GDF5: variants seen among roughly 807,000 people sequenced by gnomAD.
GDF5 encodes the protein growth/differentiation factor 5.
A neutral mutation model predicts 34.6 loss-of-function variants in GDF5; 17 were observed. The observed-to-expected ratio is 0.49, with a 90% CI of 0.34 to 0.74. The LOEUF (loss-of-function observed/expected upper bound fraction) is 0.74. GDF5 is among the 30% of genes least tolerant of loss of function. The pLI is 0.01. For synonymous variants in GDF5, 332 were observed against 290.7 expected, an observed-to-expected ratio of 1.14 and a Z score of -1.44; for missense variants, 616 against 661.2, an observed-to-expected ratio of 0.93 and a Z score of 0.75.
chr20:35,454,644 A>G (rs2146598301), exon 1 of GDF5: 1 of 152,400 alleles, frequency 6.6e-6, no homozygotes, highest in East Asian at 1.9e-4. Context: ...ACTCGCCTGT[A>G]AGTGTTATGC....
Position 35,437,731 on chromosome 20 carries a change from A to T in GDF5, c.198T>A (p.Gly66=). 6.2e-7 allele frequency: 1 copy of T among 1,613,280 alleles called. No homozygotes were observed. The highest frequency in any genetic ancestry group is 8.5e-7 in the Non-Finnish European group (1 of 1,179,684). ...TGGCATTGGCATTGGTGGCCCCCCC[A>T]CCATAGCTGTGACCCCCTGGCCTGA... ...NVFRPGGHSY[G]GGATNANARA... Residue 66 remains glycine, a synonymous_variant, in exon 1 of 2, where the codon GGT becomes GGA. Transcript: ENST00000374369.
At chr20:35,438,703 G>T (rs2062486244), upstream of GDF5, among the ~76,000 whole-genome samples, 1 of 152,122 alleles carries the variant, frequency 6.6e-6, no homozygotes, top group Non-Finnish European at 1.5e-5. Context: ...AGATGCTGAA[G>T]AATGAGCTCA....
chr20:35,438,003 A>C lies in GDF5; in HGVS notation c.-75T>G, dbSNP rs1387848045. On this transcript the variant is annotated 5_prime_UTR_variant, in exon 1 of 2. Transcript: ENST00000374369. ...AGGTGCCTCTGGTTTGGCAGGAAAA[A>C]CCATGAAAGGAGTGGACTTTCAAAA... The C allele has an allele frequency of 1.3e-6, 2 of 1,564,570 alleles. No individual in the cohort carries two copies. Among genetic ancestry groups the C allele is most frequent in the Non-Finnish European group, 1.7e-6 (2 of 1,144,144 alleles).
chr20:35,443,243 G>T lies in GDF5; in HGVS notation c.-397-1856C>A, dbSNP rs540306338. On this transcript the variant is annotated intron_variant, in intron 1 of 3. Transcript: ENST00000374372. ...CTGGTAATTGCAACCAGATGCTGCC[G>T]CTGGCAGTGCTTCAGTCCCGACATG... 7.9e-5 allele frequency among the ~76,000 whole-genome samples: 12 copies of T among 152,246 alleles called. No individual in the cohort carries two copies. In the South Asian group the frequency reaches 2.5e-3, roughly 32 times the overall value.
chr20:35,453,587 T>C (rs1475077975), intron 1 of GDF5, among the ~76,000 whole-genome samples: 1 of 152,236 alleles, frequency 6.6e-6, no homozygotes, highest in Non-Finnish European at 1.5e-5. Flanking sequence ...TCGTTTTCTC[T>C]GTCTAGTGCC....
At chr20:35,442,295 T>C (rs145380864), upstream of GDF5, among the ~76,000 whole-genome samples, 3,221 of 151,318 alleles carry the variant, frequency 0.021, 61 homozygotes, top group South Asian at 0.073. Flanking sequence ...TACAGATGTG[T>C]ACCACCACGC....
intron 1 of GDF5, among the ~76,000 whole-genome samples, chr20:35,444,980 C>G (rs959386255): frequency 6.6e-6 from 1 of 151,436 alleles, no homozygotes; most frequent in Non-Finnish European, 1.5e-5. Flanking sequence ...GTGATCCACC[C>G]GCCTCAGCCT....
chr20:35,453,175 G>A (rs1276647405), intron 1 of GDF5, among the ~76,000 whole-genome samples: 2 of 152,178 alleles, frequency 1.3e-5, no homozygotes, highest in Non-Finnish European at 2.9e-5. Flanking sequence ...GCGTGAACCC[G>A]GATGGTGGAG....
At position 35,437,622 on chromosome 20, in the gene GDF5, C is replaced by T. The variant is rs763209567; in HGVS notation, c.307G>A (p.Gly103Ser). The change falls in exon 1 of 2, where the codon GGC becomes AGC. Residue 103 changes from glycine (G) to serine (S), a missense_variant. Coordinates refer to ENST00000374369, the MANE Select transcript of GDF5 (RefSeq NM_000557.5). ...EPKKLPPRPG[G>S]PEPKPGHPPQ... Reference sequence around the variant, plus strand: ...GGGTGTCCTGGCTTGGGTTCAGGGCCGCCCGGTCTGGGGGGCAGCTTTTTG... The same window carrying T: ...GGGTGTCCTGGCTTGGGTTCAGGGCTGCCCGGTCTGGGGGGCAGCTTTTTG... 29 of 1,613,990 alleles carry T rather than the reference C, an allele frequency of 1.8e-5. 1 individual carries two copies. Among genetic ancestry groups the T allele is most frequent in the South Asian group, 1.6e-4 (15 of 91,080 alleles).
At chr20:35,438,620 C>A (rs2062485809), upstream of GDF5, among the ~76,000 whole-genome samples, 1 of 152,206 alleles carries the variant, frequency 6.6e-6, no homozygotes, top group African/African-American at 2.4e-5. Flanking sequence ...TAGGGGGCCT[C>A]CCCCTCCACA....
In GDF5 at chr20:35,437,612, G is replaced by C. The variant is rs1484700832; in HGVS notation, c.317C>G (p.Pro106Arg). The C allele has an allele frequency of 6.2e-7, 1 of 1,614,120 alleles. No individual in the cohort carries two copies. Among genetic ancestry groups the C allele is most frequent in the East Asian group, 2.2e-5 (1 of 44,868 alleles). The change falls in exon 1 of 2, where the codon CCC (proline) becomes CGC (arginine). Residue 106 changes from proline to arginine, a missense_variant. By Grantham distance (103) the Pro-to-Arg change is moderately radical. Coordinates refer to ENST00000374369, the MANE Select transcript of GDF5 (RefSeq NM_000557.5). ...TGTTTGGGGAGGGTGTCCTGGCTTGGGTTCAGGGCCGCCCGGTCTGGGGGG... is the reference window on the plus strand; with the variant it reads ...TGTTTGGGGAGGGTGTCCTGGCTTGCGTTCAGGGCCGCCCGGTCTGGGGGG... ...KLPPRPGGPE[P>R]KPGHPPQTRQ...
At chr20:35,442,353 G>A (rs1601078404), upstream of GDF5, among the ~76,000 whole-genome samples, 1 of 151,476 alleles carries the variant, frequency 6.6e-6, no homozygotes, top group Non-Finnish European at 1.5e-5. Flanking sequence ...CACCATGTTG[G>A]CCAGGCTGGT....
chr20:35,438,080 G>C lies in GDF5; in HGVS notation c.-152C>G, dbSNP rs1471227731. On this transcript the variant is annotated 5_prime_UTR_variant, in exon 1 of 2. Coordinates refer to ENST00000374369, the MANE Select transcript of GDF5 (RefSeq NM_000557.5). ...AGGAAAGGCTTTCTCCTCAGTCTGA[G>C]ACTCTTGAAGTCTGCCGGGTGTGTG... 1.2e-6 allele frequency: 1 copy of C among 831,934 alleles called. No individual in the cohort carries two copies. The highest frequency in any genetic ancestry group is 1.7e-5 in the African/African-American group (1 of 58,826). 51.5% of individuals were successfully genotyped at this position (831,934 alleles called of 1,614,324 possible). A position where few individuals can be genotyped will look rare whatever the true frequency, so the allele number is the denominator to read the frequency against.
chr20:35,438,265 G>A, upstream of GDF5: 1 of 349,096 alleles, frequency 2.9e-6, no homozygotes, highest in Non-Finnish European at 5.4e-6. Flanking sequence ...TAAGGCTGAG[G>A]GATTTTTCCA....
chr20:35,438,358 T>TCACTCA, upstream of GDF5: 2 of 158,868 alleles, frequency 1.3e-5, no homozygotes, highest in Non-Finnish European at 2.7e-5. Context: ...TGAAAATACT[T>TCACTCA]CACACACACA....
At chr20:35,445,910 A>G (rs1012190657) in intron 1 of GDF5, among the ~76,000 whole-genome samples, 2 of 152,158 alleles carry the variant, frequency 1.3e-5, no homozygotes, top group Non-Finnish European at 1.5e-5. Context: ...CGGAGGTTGC[A>G]GTGAGCTGAG....
At chr20:35,443,536 G>C (rs1042108157) in intron 1 of GDF5, among the ~76,000 whole-genome samples, 2 of 151,772 alleles carry the variant, frequency 1.3e-5, no homozygotes, top group African/African-American at 2.4e-5. Flanking sequence ...TTTGGAGACA[G>C]AGTCTAGTTC....
chr20:35,454,502 G>A (rs915225603), intron 1 of GDF5: 8 of 158,416 alleles, frequency 5.0e-5, no homozygotes, highest in African/African-American at 1.9e-4. Flanking sequence ...AATAACGCAT[G>A]GGTCCTATTG....
At chr20:35,435,854 G>T (rs544540371) in intron 1 of GDF5, among the ~76,000 whole-genome samples, 33 of 152,214 alleles carry the variant, frequency 2.2e-4, no homozygotes, top group African/African-American at 7.7e-4. Flanking sequence ...TAAATGATTG[G>T]GCTTGTGTGA....
Sources: allele counts gnomAD v4.1 joint callset (sites outside exome capture counted in the v4.1 genomes callset), GRCh38; gene constraint gnomAD v4.1.1; transcripts MANE v1.5; gene names NCBI Gene and HGNC (gene_info 2026-07-23, HGNC 2026-07-21).